Variants in C5 observed in about 807,000 individuals in gnomAD.
The protein encoded by C5 is C3 and PZP-like alpha-2-macroglobulin domain-containing protein 4.
A neutral mutation model predicts 218.8 loss-of-function variants in C5; 140 were observed. That is an observed-to-expected ratio of 0.64 (90% CI 0.56 to 0.74). The LOEUF (loss-of-function observed/expected upper bound fraction) is 0.74, where lower values mean the gene tolerates loss of function less well. Among genes scored for constraint, C5 ranks in the 30% least tolerant of loss-of-function variants. C5 has a pLI of 0.00. For missense variants in C5, 1,700 were observed against 1,969.6 expected (o/e 0.86, Z 2.59); for synonymous variants, 614 against 682.3 (o/e 0.90, Z 1.56).
upstream of C5, among the ~76,000 whole-genome samples, chr9:121,053,784 T>C (rs7871371): frequency 0.75 from 114,086 of 151,996 alleles, 43,213 homozygotes; most frequent in East Asian, 0.96. Flanking sequence ...TGCCCCGTCA[T>C]GGTGGAACAT....
intron 14 of C5, among the ~76,000 whole-genome samples, chr9:121,016,648 A>G (rs2047309748): frequency 6.6e-6 from 1 of 152,258 alleles, no homozygotes; most frequent in African/African-American, 2.4e-5. Flanking sequence ...ACTGATATAT[A>G]GTGTTTTGTA....
At chr9:121,025,735 GC>G in intron 8 of C5, 155 bp from the exon 9 acceptor site, 2 of 645,322 alleles carry the variant, frequency 3.1e-6, no homozygotes, top group Non-Finnish European at 5.4e-6. Context: ...CCACGATTAA[GC>G]CCAGGATGTT....
At chr9:121,019,430 C>T (rs1336036359) in intron 12 of C5, among the ~76,000 whole-genome samples, 1 of 152,204 alleles carries the variant, frequency 6.6e-6, no homozygotes, top group Admixed American at 6.5e-5. Flanking sequence ...GTTTCACCAA[C>T]AGGCTTCATC....
chr9:121,005,672 A>G (rs2047209713), intron 20 of C5, among the ~76,000 whole-genome samples: 1 of 152,254 alleles, frequency 6.6e-6, no homozygotes, highest in Admixed American at 6.5e-5. Flanking sequence ...TCCACAGCAC[A>G]TGGATTATCT....
chr9:120,976,535 T>A (rs1227057507), intron 29 of C5, among the ~76,000 whole-genome samples, 165 bp downstream of exon 29: 3 of 152,244 alleles, frequency 2.0e-5, no homozygotes, highest in Non-Finnish European at 4.4e-5. Context: ...TTCTGTATAA[T>A]AAGAGTGTTG....
At chr9:120,980,400 T>C (rs1218541318) in intron 27 of C5, 146 bp from the exon 28 acceptor site, 2 of 720,138 alleles carry the variant, frequency 2.8e-6, no homozygotes, top group Non-Finnish European at 2.5e-6. Context: ...GGCTTCTCAG[T>C]GAAGCAAATC....
At chr9:120,995,946 A>G (rs1458690047) in intron 22 of C5, among the ~76,000 whole-genome samples, 1 of 151,864 alleles carries the variant, frequency 6.6e-6, no homozygotes, top group East Asian at 1.9e-4. Context: ...AGCTTCCCAA[A>G]TAGCTGGGAC....
chr9:121,047,936 CATT>C (rs1341180185), intron 1 of C5, among the ~76,000 whole-genome samples: 1 of 152,140 alleles, frequency 6.6e-6, no homozygotes, highest in East Asian at 1.9e-4. Flanking sequence ...TGTATAAACT[CATT>C]GTGTCATTAC....
chr9:121,027,553 A>G lies in C5; in HGVS notation c.759-279T>C, dbSNP rs575338076. On this transcript the variant is annotated intron_variant, in intron 7 of 40. Coordinates refer to ENST00000223642, the MANE Select transcript of C5 (RefSeq NM_001735.3). ...GAAATAACACCACACATCTACAACCATCTGATCTTTGACAAACCTGACAAA... is the reference window on the plus strand; with the variant it reads ...GAAATAACACCACACATCTACAACCGTCTGATCTTTGACAAACCTGACAAA... Among the ~76,000 whole-genome samples the G allele has an allele frequency of 6.6e-5, 10 of 152,310 alleles. No individual in the cohort carries two copies. In the East Asian group the frequency reaches 1.9e-3, roughly 29 times the overall value.
chr9:121,048,071 C>T (rs990713056), intron 1 of C5, among the ~76,000 whole-genome samples: 1 of 152,064 alleles, frequency 6.6e-6, no homozygotes, highest in Non-Finnish European at 1.5e-5. Flanking sequence ...AATTAGAAAT[C>T]GAACCTGAGC....
At chr9:121,023,318 T>C (rs2047382919) in intron 10 of C5, 86 bp downstream of exon 10, 7 of 875,720 alleles carry the variant, frequency 8.0e-6, no homozygotes, top group Non-Finnish European at 1.4e-5. Context: ...ATGGCAACAT[T>C]CTTACCCTGT....
At position 121,034,877 on chromosome 9, in the gene C5, T is replaced by C. The variant is rs774235576; in HGVS notation, c.510A>G (p.Glu170=). The part of the protein sequence containing the change: ...VLTFIDPEGS[E]VDMVEEIDHI... ...GATCAATTTCTTCTACCATGTCAAC[T>C]TCTGATCCTTCAGGATCCTGTAAAT... The change falls in exon 5 of 41, where the codon GAA becomes GAG. Residue 170 remains glutamate (E), a synonymous_variant. Transcript: ENST00000223642. The C allele has an allele frequency of 3.1e-6, 5 of 1,587,948 alleles. No individual in the cohort carries two copies. The South Asian group carries it at 4.4e-5, about 14-fold the overall frequency.
At chr9:120,962,513 G>T (rs1474693048) in intron 36 of C5, among the ~76,000 whole-genome samples, 158 bp downstream of exon 36, 1 of 152,170 alleles carries the variant, frequency 6.6e-6, no homozygotes, top group African/African-American at 2.4e-5. Context: ...ACAATATTTT[G>T]TATGCAGTAG....
intron 4 of C5, among the ~76,000 whole-genome samples, chr9:121,037,059 C>T (rs1184164931): frequency 6.6e-6 from 1 of 151,854 alleles, no homozygotes; most frequent in Non-Finnish European, 1.5e-5. Flanking sequence ...TGCACAGCGT[C>T]TGTTACATAT....
chr9:121,013,919 C>T lies in C5; in HGVS notation c.2211G>A (p.Gln737=), dbSNP rs146630697. 5 of 1,614,182 alleles carry T rather than the reference C, an allele frequency of 3.1e-6. No individual in the cohort carries two copies. The highest frequency in any genetic ancestry group is 4.2e-6 in the Non-Finnish European group (5 of 1,180,020). The change falls in exon 17 of 41, where the codon CAG becomes CAA. Residue 737 remains glutamine, a synonymous_variant. Transcript: ENST00000223642. ...CTTTATGAGAGATATTAGCACGGAG[C>T]TGGCTTGCGACGACACAACATTCAG... ...AFTECCVVAS[Q]LRANISHKDM...
chr9:121,016,295 G>A lies in C5; in HGVS notation c.1955C>T (p.Thr652Ile). Residue 652 changes from threonine (T) to isoleucine (I), a missense_variant, in exon 15 of 41, where the codon ACC becomes ATC. Thr to Ile is a moderately conservative substitution (Grantham distance 89). Transcript: ENST00000223642. ...ATCTGCATTTGCATTAGTGAGGAAG[G>A]TAAGTCCAGCTAGGTGGAACACATT... Reference protein sequence around the residue: ...NANVFHLAGLTFLTNANADDS... With the variant: ...NANVFHLAGLIFLTNANADDS... 6.2e-7 allele frequency: 1 copy of A among 1,614,038 alleles called. No individual in the cohort carries two copies. The highest frequency in any genetic ancestry group is 8.5e-7 in the Non-Finnish European group (1 of 1,179,930).
chr9:120,988,861 C>T (rs1048579585), intron 25 of C5, among the ~76,000 whole-genome samples, 185 bp downstream of exon 25: 2 of 151,954 alleles, frequency 1.3e-5, no homozygotes, highest in Non-Finnish European at 2.9e-5. Context: ...GAGAAGTAGT[C>T]AAATTAAGGA....
At position 120,980,179 on chromosome 9, in the gene C5, A is replaced by C. The variant is rs955581138; in HGVS notation, c.3562T>G (p.Leu1188Val). The C allele has an allele frequency of 6.2e-7, 1 of 1,613,940 alleles. No homozygotes were observed. The highest frequency in any genetic ancestry group is 1.3e-5 in the African/African-American group (1 of 75,028). ...GAAAGAGCATACGCAGAAATGGCCAATGTAAAGGTGCTCTGGGCTGGCAGT... is the reference window on the plus strand; with the variant it reads ...GAAAGAGCATACGCAGAAATGGCCACTGTAAAGGTGCTCTGGGCTGGCAGT... ...NTLPAQSTFTLAISAYALSLG... is the reference protein window; with the variant it reads ...NTLPAQSTFTVAISAYALSLG... Residue 1188 changes from leucine (L) to valine (V), a missense_variant, in exon 28 of 41, where the codon TTG becomes GTG. Transcript: ENST00000223642.
intron 18 of C5, among the ~76,000 whole-genome samples, 172 bp downstream of exon 18, chr9:121,008,236 A>T (rs2047232204): frequency 1.3e-5 from 2 of 152,186 alleles, no homozygotes; most frequent in Non-Finnish European, 2.9e-5. Context: ...GATGTATATT[A>T]AAAAAATAAA....
Sources: gnomAD v4.1 joint callset for allele counts (sites outside exome capture counted in the v4.1 genomes callset) on GRCh38, gnomAD v4.1.1 for gene constraint, MANE v1.5 for transcripts, NCBI Gene and HGNC (gene_info 2026-07-23, HGNC 2026-07-21) for gene names.